KCTD16: variants seen among roughly 807,000 people sequenced by gnomAD.
The protein encoded by KCTD16 is BTB/POZ domain-containing protein KCTD16.
A neutral mutation model predicts 33.2 loss-of-function variants in KCTD16; 13 were observed. The ratio of observed to expected loss-of-function variants is 0.39; its 90% CI spans 0.25 to 0.62. The LOEUF is 0.62. KCTD16 is among the 20% of genes least tolerant of loss of function. The probability of loss-of-function intolerance (pLI) is 0.50; values close to 1 mark genes in which losing one functional copy is unlikely to be tolerated. For missense variants in KCTD16, 441 were observed against 525.1 expected (o/e 0.84, Z 1.57); for synonymous variants, 197 against 195.3 (o/e 1.01, Z -0.07).
At chr5:144,381,250 G>A (rs749009613) in intron 3 of KCTD16, among the ~76,000 whole-genome samples, 12 of 151,930 alleles carry the variant, frequency 7.9e-5, no homozygotes, top group Non-Finnish European at 1.5e-4. Context: ...ATGAGATACC[G>A]TCTCACACCA....
intron 3 of KCTD16, among the ~76,000 whole-genome samples, chr5:144,291,975 A>T (rs915131760): frequency 6.6e-6 from 1 of 152,216 alleles, no homozygotes; most frequent in Admixed American, 6.5e-5. Context: ...GCTAAATCTT[A>T]ATTAGACTGC....
rs1023761016 is a variant in KCTD16, at chr5:144,480,198, C to T, written c.*6084C>T. Reference sequence around the variant, plus strand: ...CCATGTGCAATTTTTAGGTTTATGTCAGCTCAGTGGATAATGTGCGTGGGA... The same window carrying T: ...CCATGTGCAATTTTTAGGTTTATGTTAGCTCAGTGGATAATGTGCGTGGGA... On this transcript the variant is annotated 3_prime_UTR_variant, in exon 4 of 4. Coordinates refer to ENST00000512467, the MANE Select transcript of KCTD16 (RefSeq NM_020768.4). The T allele has an allele frequency of 6.6e-5, 10 of 152,014 alleles. No homozygotes were observed. The highest frequency in any genetic ancestry group is 2.2e-4 in the African/African-American group (9 of 41,514). 9.4% of individuals were successfully genotyped at this position (152,014 alleles called of 1,614,324 possible).
chr5:144,453,393 T>C (rs1038141351), intron 3 of KCTD16, among the ~76,000 whole-genome samples: 1 of 152,162 alleles, frequency 6.6e-6, no homozygotes, highest in Admixed American at 6.5e-5. Context: ...GAGAAGCGAT[T>C]TCAGCCTGAG....
intron 3 of KCTD16, among the ~76,000 whole-genome samples, chr5:144,469,935 C>A (rs1483919495): frequency 6.6e-6 from 1 of 150,760 alleles, no homozygotes; most frequent in Non-Finnish European, 1.5e-5. Context: ...TAGATAATAA[C>A]TCCCCAAACA....
chr5:144,436,007 C>T (rs1753568714), intron 3 of KCTD16, among the ~76,000 whole-genome samples: 1 of 152,174 alleles, frequency 6.6e-6, no homozygotes, highest in South Asian at 2.1e-4. Context: ...TCAGCCATCC[C>T]ACACCAAAGG....
chr5:144,386,122 A>G (rs1428542034), intron 3 of KCTD16, among the ~76,000 whole-genome samples: 1 of 152,188 alleles, frequency 6.6e-6, no homozygotes. Flanking sequence ...TGGCAGAAAA[A>G]CTAAGTTAAG....
intron 3 of KCTD16, among the ~76,000 whole-genome samples, chr5:144,219,726 G>A (rs1753681839): frequency 6.6e-6 from 1 of 151,784 alleles, no homozygotes; most frequent in Non-Finnish European, 1.5e-5. Context: ...CACCATGTTG[G>A]TCAGTCTGGT....
At chr5:144,425,520 G>A (rs549474815) in intron 3 of KCTD16, among the ~76,000 whole-genome samples, 1 of 152,026 alleles carries the variant, frequency 6.6e-6, no homozygotes, top group African/African-American at 2.4e-5. Flanking sequence ...ACTCCCGCAA[G>A]TTTCTTCCTG....
At chr5:144,437,830 A>G (rs1372163650) in intron 3 of KCTD16, among the ~76,000 whole-genome samples, 3 of 152,172 alleles carry the variant, frequency 2.0e-5, no homozygotes, top group South Asian at 4.1e-4. Flanking sequence ...GATGCTAGCA[A>G]TAGGACTCAA....
chr5:144,183,144 G>C (rs1752661049), intron 2 of KCTD16, among the ~76,000 whole-genome samples: 1 of 152,062 alleles, frequency 6.6e-6, no homozygotes, highest in African/African-American at 2.4e-5. Context: ...TAAGTAAAGG[G>C]CTACTTCAGT....
At chr5:144,238,884 G>T (rs1290826387) in intron 3 of KCTD16, among the ~76,000 whole-genome samples, 1 of 152,124 alleles carries the variant, frequency 6.6e-6, no homozygotes, top group Non-Finnish European at 1.5e-5. Context: ...GGAAAAGACA[G>T]ATGCATGCCT....
chr5:144,385,589 C>T (rs1752306457), intron 3 of KCTD16, among the ~76,000 whole-genome samples: 1 of 152,144 alleles, frequency 6.6e-6, no homozygotes, highest in African/African-American at 2.4e-5. Flanking sequence ...CTTTGCTTCC[C>T]CTTCTCACAA....
chr5:144,219,581 C>G (rs1580797735), intron 3 of KCTD16, among the ~76,000 whole-genome samples: 1 of 134,082 alleles, frequency 7.5e-6, no homozygotes, highest in Non-Finnish European at 1.5e-5. Context: ...AGTGCAATGG[C>G]GCGATCTCGG....
chr5:144,434,516 C>T (rs1446555349), intron 3 of KCTD16, among the ~76,000 whole-genome samples: 2 of 152,014 alleles, frequency 1.3e-5, no homozygotes, highest in Non-Finnish European at 2.9e-5. Flanking sequence ...AAATTAGGCT[C>T]CATTGGTTCT....
chr5:144,316,574 G>A (rs1305167112), intron 3 of KCTD16, among the ~76,000 whole-genome samples: 1 of 146,700 alleles, frequency 6.8e-6, no homozygotes, highest in Non-Finnish European at 1.5e-5. Flanking sequence ...GCAGTGGCGC[G>A]ATCTCTCCAC....
chr5:144,407,203 T>TTTG (rs1554092941), intron 3 of KCTD16, among the ~76,000 whole-genome samples: 3 of 147,030 alleles, frequency 2.0e-5, no homozygotes, highest in African/African-American at 7.6e-5. Context: ...AAATTCCTGT[T>TTTG]TTTTTTTTTT....
rs185781854 is a variant in KCTD16, at chr5:144,342,734, T to C, written c.833-130926T>C. ...GTGGGTTTGTCATAAATAGCTCTTATTAGTTTGAGATATGTCCCATCAATA... is the reference window on the plus strand; with the variant it reads ...GTGGGTTTGTCATAAATAGCTCTTACTAGTTTGAGATATGTCCCATCAATA... On this transcript the variant is annotated intron_variant, in intron 3 of 3. Transcript: ENST00000512467. 1.2e-4 allele frequency among the ~76,000 whole-genome samples: 19 copies of C among 152,290 alleles called. 1 individual carries two copies. The East Asian group carries it at 2.9e-3, about 23-fold the overall frequency.
At chr5:144,383,317 G>A (rs1414586572) in intron 3 of KCTD16, among the ~76,000 whole-genome samples, 1 of 152,136 alleles carries the variant, frequency 6.6e-6, no homozygotes, top group African/African-American at 2.4e-5. Context: ...CGTCAGAGCT[G>A]CCATTTTGAC....
chr5:144,193,550 T>A (rs879728637), intron 2 of KCTD16, among the ~76,000 whole-genome samples: 1 of 151,948 alleles, frequency 6.6e-6, no homozygotes, highest in Non-Finnish European at 1.5e-5. Flanking sequence ...TATTCTATTT[T>A]ATTCATAGCT....
Sources: gnomAD v4.1 joint callset for allele counts (sites outside exome capture counted in the v4.1 genomes callset) on GRCh38, gnomAD v4.1.1 for gene constraint, MANE v1.5 for transcripts, NCBI Gene and HGNC (gene_info 2026-07-23, HGNC 2026-07-21) for gene names.